Variants in FMN2 observed in about 807,000 individuals in gnomAD.
The protein encoded by FMN2 is formin-2.
Under a neutral mutation model 142.3 loss-of-function variants are expected in FMN2, and 51 were observed. The observed-to-expected ratio is 0.36, with a 90% confidence interval of 0.29 to 0.45. FMN2 has a LOEUF of 0.45. Ranked by LOEUF, FMN2 falls within the 20% of genes least tolerant of loss-of-function variation. The pLI, the probability that FMN2 is intolerant of heterozygous loss-of-function variation, is 1.00. For missense variants in FMN2, 1,936 were observed against 2,122.8 expected (o/e 0.91, Z 1.73); for synonymous variants, 882 against 869.8 (o/e 1.01, Z -0.25).
chr1:240,265,023 C>G (rs1170559055), intron 7 of FMN2, among the ~76,000 whole-genome samples: 1 of 152,032 alleles, frequency 6.6e-6, no homozygotes, highest in African/African-American at 2.4e-5. Flanking sequence ...TTTTTTGAGT[C>G]CTAGCTCAGG....
chr1:240,280,494 CATGTGTTAGAAAACAGTGGCAAA>C (rs1210273726), intron 7 of FMN2, among the ~76,000 whole-genome samples: 1 of 152,104 alleles, frequency 6.6e-6, no homozygotes, highest in African/African-American at 2.4e-5. Context: ...CCTTTTAGAG[CATGTGTTAGAAAACAGTGGCAAA>C]ATGTGATCCC....
chr1:240,380,759 T>A, intron 14 of FMN2, among the ~76,000 whole-genome samples: 1 of 141,118 alleles, frequency 7.1e-6, no homozygotes, highest in African/African-American at 2.6e-5. Flanking sequence ...CAGAACTAAA[T>A]GAGATTGAGA....
intron 6 of FMN2, among the ~76,000 whole-genome samples, chr1:240,241,641 G>A (rs944608826): frequency 2.0e-5 from 3 of 152,022 alleles, no homozygotes; most frequent in East Asian, 1.9e-4. Context: ...TGCGTGTCAC[G>A]CTGCTGGGAC....
At chr1:240,379,638 C>A (rs148885555) in intron 14 of FMN2, among the ~76,000 whole-genome samples, 4 of 152,114 alleles carry the variant, frequency 2.6e-5, no homozygotes, top group African/African-American at 9.6e-5. Flanking sequence ...AGATCAGACT[C>A]CTATACTGCT....
At position 240,361,724 on chromosome 1, in the gene FMN2, G is replaced by T. The variant is rs545752244; in HGVS notation, c.4858+5816G>T. 4.6e-5 allele frequency among the ~76,000 whole-genome samples: 7 copies of T among 152,344 alleles called. No homozygotes were observed. The East Asian group carries it at 1.4e-3, about 29-fold the overall frequency. On this transcript the variant is annotated intron_variant, in intron 14 of 17. Transcript: ENST00000319653. ...GTGGGCATGCCCAGTGGACATGTGG[G>T]TATATGAGCTGAACTTGGCATAGAG... is the stretch of plus-strand genomic sequence containing the variant.
In FMN2 at chr1:240,219,470, C is replaced by T. The variant is rs535266971; in HGVS notation, c.4065+8235C>T. ...AGTCAGATTATTCACAACCAAACTT[C>T]GTGTGACCTAAACCGAAAAAGAGTT... On this transcript the variant is annotated intron_variant, in intron 6 of 17. Coordinates refer to ENST00000319653, the MANE Select transcript of FMN2 (RefSeq NM_020066.5). 4.6e-5 allele frequency among the ~76,000 whole-genome samples: 7 copies of T among 152,020 alleles called. No homozygotes were observed. In the East Asian group the frequency reaches 9.7e-4, roughly 21 times the overall value.
chr1:240,371,875 T>C (rs1440241816), intron 14 of FMN2, among the ~76,000 whole-genome samples: 1 of 152,144 alleles, frequency 6.6e-6, no homozygotes, highest in Non-Finnish European at 1.5e-5. Flanking sequence ...AGGGCTTTGG[T>C]GTAATTACCG....
chr1:240,325,738 T>C lies in FMN2; in HGVS notation c.4216-3338T>C, dbSNP rs995491812. Among the ~76,000 whole-genome samples the C allele has an allele frequency of 3.9e-5, 6 of 152,282 alleles. No homozygotes were observed. In the East Asian group the frequency reaches 7.7e-4, roughly 20 times the overall value. ...CCCTTTTGCAGTCCATTTAGTACCA[T>C]GTTTTTTGCACTGTTGTGCTTTTGT... On this transcript the variant is annotated intron_variant, in intron 8 of 17. Transcript: ENST00000319653.
chr1:240,394,323 G>T (rs1673702042), intron 15 of FMN2, among the ~76,000 whole-genome samples: 1 of 152,106 alleles, frequency 6.6e-6, no homozygotes, highest in African/African-American at 2.4e-5. Flanking sequence ...CAGTTCTATG[G>T]GACCATTGAG....
At chr1:240,420,996 G>A (rs1187214008) in intron 15 of FMN2, among the ~76,000 whole-genome samples, 1 of 152,206 alleles carries the variant, frequency 6.6e-6, no homozygotes, top group East Asian at 1.9e-4. Flanking sequence ...GGAAGGCTGG[G>A]TGAGAAAAGT....
chr1:240,091,976 G>A lies in FMN2; in HGVS notation c.-134G>A. 7.4e-7 allele frequency: 1 copy of A among 1,356,522 alleles called. No individual in the cohort carries two copies. Among genetic ancestry groups the A allele is most frequent in the Non-Finnish European group, 9.5e-7 (1 of 1,055,984 alleles). 84.0% of individuals were successfully genotyped at this position (1,356,522 alleles called of 1,614,324 possible). A position where few individuals can be genotyped will look rare whatever the true frequency, so the allele number is the denominator to read the frequency against. On this transcript the variant is annotated 5_prime_UTR_variant, in exon 1 of 18. Transcript: ENST00000319653. ...AGCGGGGCCAGCCGGGCGCGCGTCG[G>A]CCTCCCCTCCCAGCGGCTCCCCCCG...
intron 1 of FMN2, 90 bp from the exon 2 acceptor site, chr1:240,123,089 T>G: frequency 5.7e-6 from 8 of 1,411,416 alleles, no homozygotes; most frequent in Non-Finnish European, 7.8e-6. Flanking sequence ...TGTTGTTCCC[T>G]GGCAGTGTTT....
At chr1:240,452,618 T>C (rs2103212084) in intron 16 of FMN2, among the ~76,000 whole-genome samples, 1 of 152,264 alleles carries the variant, frequency 6.6e-6, no homozygotes, top group South Asian at 2.1e-4. Flanking sequence ...ATTTGGCCAC[T>C]TTAAATTTTT....
At chr1:240,309,212 AG>A (rs1161984881) in intron 8 of FMN2, among the ~76,000 whole-genome samples, 2 of 152,160 alleles carry the variant, frequency 1.3e-5, no homozygotes, top group Admixed American at 6.5e-5. Context: ...TAAGCTTGGA[AG>A]GGGGTCCCCT....
chr1:240,149,668 T>G (rs1289521052), intron 2 of FMN2, among the ~76,000 whole-genome samples: 1 of 152,216 alleles, frequency 6.6e-6, no homozygotes, highest in African/African-American at 2.4e-5. Context: ...TGTCAAATTT[T>G]TAGCTCTGCC....
chr1:240,143,139 T>C (rs1164288225), intron 2 of FMN2: 5 of 1,570,662 alleles, frequency 3.2e-6, no homozygotes, highest in Non-Finnish European at 4.4e-6. Flanking sequence ...GTCCTTGGCA[T>C]GATATTGAGC....
intron 2 of FMN2, chr1:240,145,530 ATTTTTTTTTTTTTTTTTT>A (rs71168902): frequency 1.7e-4 from 14 of 84,488 alleles, no homozygotes; most frequent in Non-Finnish European, 2.6e-4. Context: ...TTCTTTTTCT[ATTTTTTTTTTTTTTTTTT>A]TTTTTTTTTT....
intron 16 of FMN2, among the ~76,000 whole-genome samples, chr1:240,442,852 A>T (rs553708706): frequency 1.6e-4 from 25 of 152,276 alleles, no homozygotes; most frequent in African/African-American, 6.0e-4. Context: ...TTGGATTTTT[A>T]AGCTCTGCCA....
At chr1:240,438,391 C>G (rs1675478116) in intron 16 of FMN2, among the ~76,000 whole-genome samples, 181 bp downstream of exon 16, 1 of 152,104 alleles carries the variant, frequency 6.6e-6, no homozygotes. Flanking sequence ...AGAGTCAGCA[C>G]AGAAGCTGGG....
Sources: allele counts gnomAD v4.1 joint callset (sites outside exome capture counted in the v4.1 genomes callset), GRCh38; gene constraint gnomAD v4.1.1; transcripts MANE v1.5; gene names NCBI Gene and HGNC (gene_info 2026-07-23, HGNC 2026-07-21).